ENOX1: variants seen among roughly 807,000 people sequenced by gnomAD.
ENOX1 encodes candidate growth-related and time keeping constitutive hydroquinone (NADH) oxidase.
A neutral mutation model predicts 82.5 loss-of-function variants in ENOX1; 42 were observed. That is an observed-to-expected ratio of 0.51 (90% CI 0.40 to 0.66). ENOX1 has a LOEUF of 0.66. ENOX1 is among the 30% of genes least tolerant of loss of function. ENOX1 has a pLI of 0.00. For synonymous variants in ENOX1, 271 were observed against 282.2 expected, an observed-to-expected ratio of 0.96 and a Z score of 0.40; for missense variants, 608 against 811.6, an observed-to-expected ratio of 0.75 and a Z score of 3.05.
chr13:43,681,894 A>G (rs1474482947), intron 1 of ENOX1, among the ~76,000 whole-genome samples: 9 of 151,996 alleles, frequency 5.9e-5, no homozygotes, highest in Admixed American at 4.6e-4. Context: ...CTCATATGCT[A>G]TTTCTAACCC....
Position 43,455,043 on chromosome 13 carries a change from C to T in ENOX1, c.-75+28966G>A, listed in dbSNP as rs997625294. On this transcript the variant is annotated intron_variant, in intron 3 of 16. Coordinates refer to ENST00000690772, the MANE Select transcript of ENOX1 (RefSeq NM_001347969.2). ...GTGTTGGAGCCCCCATTTCCTGGATCCCATGATTTCCTCTTTGTTGGTTTA... is the reference window on the plus strand; with the variant it reads ...GTGTTGGAGCCCCCATTTCCTGGATTCCATGATTTCCTCTTTGTTGGTTTA... Among the ~76,000 whole-genome samples, 6 of 152,122 alleles carry T rather than the reference C, an allele frequency of 3.9e-5. No individual in the cohort carries two copies. The South Asian group carries it at 1.2e-3, about 32-fold the overall frequency.
intron 3 of ENOX1, among the ~76,000 whole-genome samples, chr13:43,444,106 G>C (rs61959487): frequency 6.6e-6 from 1 of 152,128 alleles, no homozygotes; most frequent in Admixed American, 6.5e-5. Context: ...GAGTGGGGTC[G>C]GGGGAGCTAC....
intron 2 of ENOX1, among the ~76,000 whole-genome samples, chr13:43,585,809 C>A (rs2080952924): frequency 6.6e-6 from 1 of 152,170 alleles, no homozygotes; most frequent in Non-Finnish European, 1.5e-5. Flanking sequence ...GAACTCCTGA[C>A]CTCATGATCC....
chr13:43,324,149 C>T (rs745318731), intron 10 of ENOX1, among the ~76,000 whole-genome samples: 9 of 152,030 alleles, frequency 5.9e-5, no homozygotes, highest in South Asian at 2.1e-4. Context: ...GTGATTAGTG[C>T]GGAAATTTTT....
intron 16 of ENOX1, among the ~76,000 whole-genome samples, chr13:43,219,102 C>T (rs532651034): frequency 5.3e-5 from 8 of 152,174 alleles, no homozygotes; most frequent in Non-Finnish European, 1.2e-4. Flanking sequence ...TTCCCTGAAT[C>T]ACTTCTGAGA....
At chr13:43,675,435 G>A (rs2085463250) in intron 1 of ENOX1, among the ~76,000 whole-genome samples, 1 of 152,150 alleles carries the variant, frequency 6.6e-6, no homozygotes, top group Non-Finnish European at 1.5e-5. Flanking sequence ...AGTCCTCCAA[G>A]GGAAATCAAG....
At chr13:43,313,001 G>A (rs560087476) in intron 11 of ENOX1, among the ~76,000 whole-genome samples, 43 of 152,242 alleles carry the variant, frequency 2.8e-4, no homozygotes, top group African/African-American at 7.0e-4. Context: ...AAAATCCTTC[G>A]TTGATTTTAT....
At chr13:43,373,032 G>A (rs946390741) in intron 5 of ENOX1, among the ~76,000 whole-genome samples, 7 of 152,246 alleles carry the variant, frequency 4.6e-5, no homozygotes, top group Admixed American at 1.3e-4. Flanking sequence ...AGGCTTCAAA[G>A]ACTACCTGGT....
intron 2 of ENOX1, among the ~76,000 whole-genome samples, chr13:43,507,884 T>G (rs568358185): frequency 5.1e-4 from 78 of 152,130 alleles, no homozygotes; most frequent in African/African-American, 1.8e-3. Context: ...ACAATCATAG[T>G]ATACAACTTA....
At chr13:43,321,050 T>A (rs1290785261) in intron 11 of ENOX1, 1 of 456,140 alleles carries the variant, frequency 2.2e-6, no homozygotes, top group African/African-American at 2.0e-5. Flanking sequence ...AGACAAGGGA[T>A]ATATGGCTTC....
chr13:43,356,516 T>G (rs1039135210), intron 7 of ENOX1, among the ~76,000 whole-genome samples: 1 of 152,138 alleles, frequency 6.6e-6, no homozygotes, highest in African/African-American at 2.4e-5. Context: ...CATGGAGCAT[T>G]TTTTTTCTCT....
intron 14 of ENOX1, among the ~76,000 whole-genome samples, chr13:43,262,406 TATAA>T (rs958669721): frequency 3.3e-5 from 5 of 152,216 alleles, no homozygotes; most frequent in African/African-American, 9.7e-5. Flanking sequence ...TGCCCCCAGA[TATAA>T]ATAATTATAA....
intron 11 of ENOX1, among the ~76,000 whole-genome samples, chr13:43,302,578 A>G (rs57918816): frequency 0.34 from 51,559 of 152,078 alleles, 8,912 homozygotes; most frequent in South Asian, 0.52. Flanking sequence ...AAAAATGACC[A>G]AAGTGACACT....
intron 14 of ENOX1, among the ~76,000 whole-genome samples, chr13:43,241,684 T>G (rs1046701363): frequency 6.6e-6 from 1 of 152,158 alleles, no homozygotes; most frequent in African/African-American, 2.4e-5. Flanking sequence ...CTGTGATACG[T>G]AGAAGGAATC....
At chr13:43,350,469 G>C (rs1038243607) in intron 8 of ENOX1, among the ~76,000 whole-genome samples, 1 of 152,160 alleles carries the variant, frequency 6.6e-6, no homozygotes, top group African/African-American at 2.4e-5. Flanking sequence ...TTTTGAGATG[G>C]AGTTTTGCTC....
chr13:43,580,045 TA>T (rs1199692118), intron 2 of ENOX1, among the ~76,000 whole-genome samples: 1 of 152,036 alleles, frequency 6.6e-6, no homozygotes, highest in Non-Finnish European at 1.5e-5. Context: ...CATGCCTTTT[TA>T]AAAAAGAAGA....
In ENOX1 at chr13:43,567,724, C is replaced by T. The variant is rs1283803605; in HGVS notation, c.-218-83572G>A. On this transcript the variant is annotated intron_variant, in intron 2 of 16. Transcript: ENST00000690772. The stretch of plus-strand genomic sequence containing the variant: ...TACATGTCTACTCTGTTCCCACAGT[C>T]TGCAAGGAAGAGAAACAGAATTTAT... 3.3e-5 allele frequency among the ~76,000 whole-genome samples: 5 copies of T among 152,114 alleles called. No homozygotes were observed. The South Asian group carries it at 1.0e-3, about 32-fold the overall frequency.
At chr13:43,763,536 C>T (rs573103275) in intron 1 of ENOX1, among the ~76,000 whole-genome samples, 32 of 152,250 alleles carry the variant, frequency 2.1e-4, no homozygotes, top group Non-Finnish European at 2.6e-4. Context: ...AGTGGAGCTA[C>T]GAGGACTCTA....
intron 1 of ENOX1, among the ~76,000 whole-genome samples, chr13:43,744,317 C>G (rs1566866088): frequency 6.6e-6 from 1 of 152,078 alleles, no homozygotes; most frequent in African/African-American, 2.4e-5. Flanking sequence ...CAAAAACAGA[C>G]AGAAAGAGTT....
Sources: allele counts gnomAD v4.1 joint callset (sites outside exome capture counted in the v4.1 genomes callset), GRCh38; gene constraint gnomAD v4.1.1; transcripts MANE v1.5; gene names NCBI Gene and HGNC (gene_info 2026-07-23, HGNC 2026-07-21).